Variants in RBFOX1 observed in about 807,000 individuals in gnomAD.
RBFOX1 encodes RNA binding fox-1 homolog 1, also known as RNA binding protein fox-1 homolog 1.
A neutral mutation model predicts 57.7 loss-of-function variants in RBFOX1; 8 were observed. The ratio of observed to expected loss-of-function variants is 0.14; its 90% confidence interval spans 0.08 to 0.25. The LOEUF (loss-of-function observed/expected upper bound fraction) is 0.25. Among genes scored for constraint, RBFOX1 ranks in the 10% least tolerant of loss-of-function variants. The pLI is 1.00. For synonymous variants in RBFOX1, 326 were observed against 222.4 expected (o/e 1.47, Z -4.15); for missense variants, 611 against 548.5 (o/e 1.11, Z -1.14).
In RBFOX1 at chr16:7,676,857, G is replaced by C. The variant is rs200394869; in HGVS notation, c.995+19G>C. ...GTGACAGGTAAGGGTCATCCTTCTT[G>C]TGCTTGACAACTACTTGTAAATTAA... is the stretch of plus-strand genomic sequence containing the variant. On this transcript the variant is annotated intron_variant, in intron 14 of 15. Transcript: ENST00000550418. 6.9e-6 allele frequency: 11 copies of C among 1,600,010 alleles called. No individual in the cohort carries two copies. The highest frequency in any genetic ancestry group is 1.7e-5 in the Admixed American group (1 of 59,886).
At chr16:5,395,006 G>T (rs1399509587) in intron 1 of RBFOX1, among the ~76,000 whole-genome samples, 2 of 152,170 alleles carry the variant, frequency 1.3e-5, no homozygotes, top group African/African-American at 4.8e-5. Context: ...TTGGCTCCCA[G>T]TTGCTCGGAG....
intron 4 of RBFOX1, among the ~76,000 whole-genome samples, chr16:5,932,169 A>C (rs558618805): frequency 4.2e-4 from 64 of 152,330 alleles, no homozygotes; most frequent in Non-Finnish European, 7.1e-4. Flanking sequence ...TAATCACACC[A>C]GTCCATTAAA....
At chr16:6,245,946 T>G (rs998613761) in intron 1 of RBFOX1, among the ~76,000 whole-genome samples, 3 of 152,208 alleles carry the variant, frequency 2.0e-5, no homozygotes, top group African/African-American at 7.2e-5. Flanking sequence ...TCAAACTATT[T>G]CAGTCAAAAT....
At chr16:5,344,104 A>G (rs1330227970) in intron 1 of RBFOX1, among the ~76,000 whole-genome samples, 1 of 152,234 alleles carries the variant, frequency 6.6e-6, no homozygotes, top group Non-Finnish European at 1.5e-5. Flanking sequence ...AGGTATCTAC[A>G]TCAGTAATGG....
At chr16:5,789,786 G>T (rs1380644810) in intron 3 of RBFOX1, among the ~76,000 whole-genome samples, 1 of 152,136 alleles carries the variant, frequency 6.6e-6, no homozygotes, top group African/African-American at 2.4e-5. Flanking sequence ...GTCCTAATCT[G>T]ATCTCAAGAT....
chr16:7,143,152 G>A (rs1046442227), intron 4 of RBFOX1, among the ~76,000 whole-genome samples: 4 of 152,076 alleles, frequency 2.6e-5, no homozygotes, highest in Admixed American at 1.3e-4. Context: ...AAAGCCGTAC[G>A]TGTTTTTTGG....
intron 3 of RBFOX1, among the ~76,000 whole-genome samples, chr16:6,874,525 A>G (rs997885170): frequency 2.9e-4 from 44 of 151,040 alleles, no homozygotes; most frequent in Admixed American, 2.0e-4. Context: ...AAAAAAAAAA[A>G]AAAAAAAAAA....
chr16:6,672,096 G>A lies in RBFOX1; in HGVS notation c.-16+17446G>A, dbSNP rs142919953. Among the ~76,000 whole-genome samples, 950 of 152,326 alleles carry A rather than the reference G, an allele frequency of 6.2e-3. 11 individuals are homozygous for A. The highest frequency in any genetic ancestry group is 0.011 in the Non-Finnish European group (771 of 68,036). On this transcript the variant is annotated intron_variant, in intron 3 of 15. Coordinates refer to ENST00000550418, the MANE Select transcript of RBFOX1 (RefSeq NM_018723.4). ...TTAATCACATTCGGTTTCAAAGACC[G>A]TAGGTCCATCTCACCTAATTATACT...
chr16:6,814,142 A>G (rs1215094999), intron 3 of RBFOX1, among the ~76,000 whole-genome samples: 2 of 152,100 alleles, frequency 1.3e-5, no homozygotes, highest in Admixed American at 6.5e-5. Context: ...AACTCCTAGA[A>G]CAACAACACA....
intron 1 of RBFOX1, among the ~76,000 whole-genome samples, chr16:6,102,949 G>C (rs1416116821): frequency 6.6e-6 from 1 of 152,148 alleles, no homozygotes; most frequent in Non-Finnish European, 1.5e-5. Context: ...GCTTCTTAGA[G>C]TGTTCAGGGC....
chr16:6,466,451 G>T (rs910784721), intron 2 of RBFOX1, among the ~76,000 whole-genome samples: 3 of 152,118 alleles, frequency 2.0e-5, no homozygotes, highest in African/African-American at 7.2e-5. Flanking sequence ...TAGAGGTGAG[G>T]AAACAGATGT....
intron 2 of RBFOX1, among the ~76,000 whole-genome samples, chr16:6,380,914 C>G (rs2091745807): frequency 6.6e-6 from 1 of 152,158 alleles, no homozygotes; most frequent in Admixed American, 6.5e-5. Context: ...GAGGAACAAA[C>G]CAAAGGTCCT....
chr16:7,018,795 A>AAG (rs1245991493), intron 3 of RBFOX1, among the ~76,000 whole-genome samples: 1 of 151,020 alleles, frequency 6.6e-6, no homozygotes, highest in Non-Finnish European at 1.5e-5. Context: ...ATTAAAAAAA[A>AAG]AAAAGAAGAA....
At chr16:5,521,111 C>T (rs931778229) in intron 2 of RBFOX1, among the ~76,000 whole-genome samples, 5 of 152,156 alleles carry the variant, frequency 3.3e-5, no homozygotes, top group African/African-American at 9.7e-5. Flanking sequence ...GAAAAATAAG[C>T]CCCTATCTGT....
At chr16:6,574,711 A>G (rs1396453632) in intron 2 of RBFOX1, among the ~76,000 whole-genome samples, 3 of 141,882 alleles carry the variant, frequency 2.1e-5, no homozygotes, top group African/African-American at 7.7e-5. Flanking sequence ...TACAGGCGTG[A>G]CTACCGCGCC....
At chr16:5,573,659 C>T (rs1315646560) in intron 2 of RBFOX1, among the ~76,000 whole-genome samples, 1 of 152,180 alleles carries the variant, frequency 6.6e-6, no homozygotes, top group Admixed American at 6.5e-5. Context: ...CATCCCAAGG[C>T]TCCTCTCTAA....
chr16:6,916,473 A>G (rs912415709), intron 3 of RBFOX1, among the ~76,000 whole-genome samples: 11 of 151,970 alleles, frequency 7.2e-5, no homozygotes, highest in East Asian at 1.9e-4. Context: ...AACGAAATAA[A>G]TAGCATTTTA....
rs368127889 is a variant in RBFOX1, at chr16:6,860,650, C to T, written c.-15-191407C>T. Among the ~76,000 whole-genome samples the T allele has an allele frequency of 1.4e-3, 211 of 152,212 alleles. 2 individuals carry two copies. Among genetic ancestry groups the T allele is most frequent in the African/African-American group, 5.0e-3 (206 of 41,508 alleles). ...AACAATCAACCAGACATTAATTGTC[C>T]ACCAATAGGGAAATAGAAGATAAAT... On this transcript the variant is annotated intron_variant, in intron 3 of 15. Coordinates refer to ENST00000550418, the MANE Select transcript of RBFOX1 (RefSeq NM_018723.4).
intron 3 of RBFOX1, among the ~76,000 whole-genome samples, chr16:6,915,482 C>A (rs1038126366): frequency 8.6e-5 from 13 of 152,012 alleles, no homozygotes; most frequent in Non-Finnish European, 1.8e-4. Context: ...CAAATGACTT[C>A]CTACTATAGC....
Sources: gnomAD v4.1 joint callset for allele counts (sites outside exome capture counted in the v4.1 genomes callset) on GRCh38, gnomAD v4.1.1 for gene constraint, MANE v1.5 for transcripts, NCBI Gene and HGNC (gene_info 2026-07-23, HGNC 2026-07-21) for gene names.